The following PXDNL variants were observed in gnomAD, a reference collection of about 807,000 sequenced individuals.
The protein encoded by PXDNL is probable oxidoreductase PXDNL.
A neutral mutation model predicts 150.8 loss-of-function variants in PXDNL; 145 were observed. The observed-to-expected ratio is 0.96, with a 90% CI of 0.84 to 1.10. PXDNL has a LOEUF of 1.10. PXDNL is among the 50% of genes least tolerant of loss of function. The pLI is 0.00. For missense variants in PXDNL, 2,087 were observed against 1,873.9 expected (o/e 1.11, Z -2.10); for synonymous variants, 757 against 725.7 (o/e 1.04, Z -0.69).
chr8:51,688,740 GA>G (rs1239550238), intron 1 of PXDNL, among the ~76,000 whole-genome samples: 4 of 152,208 alleles, frequency 2.6e-5, no homozygotes, highest in African/African-American at 9.6e-5. Context: ...TAGCCAATCT[GA>G]AGACAGAAAA....
In PXDNL at chr8:51,374,584, G is replaced by A. The variant is rs775567270; in HGVS notation, c.3692+13C>T. On this transcript the variant is annotated intron_variant, in intron 18 of 22. Transcript: ENST00000356297. Reference sequence around the variant, plus strand: ...TTTGTGATATTTAATAAGTATAACAGATAATCATTCACCTATCTCCATCTC... The same window carrying A: ...TTTGTGATATTTAATAAGTATAACAAATAATCATTCACCTATCTCCATCTC... The A allele has an allele frequency of 6.2e-7, 1 of 1,613,628 alleles. No individual in the cohort carries two copies. Among genetic ancestry groups the A allele is most frequent in the East Asian group, 2.2e-5 (1 of 44,880 alleles).
chr8:51,575,416 A>G (rs941663983), intron 3 of PXDNL, among the ~76,000 whole-genome samples: 5 of 150,870 alleles, frequency 3.3e-5, no homozygotes, highest in Non-Finnish European at 7.4e-5. Context: ...ACATTAAATA[A>G]AAATAGTCTA....
intron 3 of PXDNL, among the ~76,000 whole-genome samples, chr8:51,571,016 C>T (rs1428133281): frequency 6.6e-6 from 1 of 151,434 alleles, no homozygotes; most frequent in Non-Finnish European, 1.5e-5. Context: ...TGTAATAATT[C>T]ACTAATTTCC....
chr8:51,475,489 T>C (rs1810452094), intron 6 of PXDNL, among the ~76,000 whole-genome samples: 1 of 152,146 alleles, frequency 6.6e-6, no homozygotes, highest in South Asian at 2.1e-4. Flanking sequence ...TATGGCCAGG[T>C]GCAGTAGCTC....
intron 1 of PXDNL, among the ~76,000 whole-genome samples, chr8:51,666,383 A>ATAAG (rs552766281): frequency 6.6e-6 from 1 of 152,134 alleles, no homozygotes; most frequent in South Asian, 2.1e-4. Context: ...GCAGCTATAT[A>ATAAG]TAAGTAAGTA....
intron 1 of PXDNL, among the ~76,000 whole-genome samples, chr8:51,661,040 A>G (rs942965867): frequency 6.6e-6 from 1 of 150,846 alleles, no homozygotes; most frequent in African/African-American, 2.5e-5. Context: ...AGAATCAAGG[A>G]GATTTTTCCA....
chr8:51,689,506 C>T (rs949698513), intron 1 of PXDNL, among the ~76,000 whole-genome samples: 1 of 152,068 alleles, frequency 6.6e-6, no homozygotes, highest in Non-Finnish European at 1.5e-5. Context: ...ATCTCTTCCA[C>T]ATGTGTACCA....
chr8:51,675,569 C>T (rs867794482), intron 1 of PXDNL, among the ~76,000 whole-genome samples: 5 of 151,714 alleles, frequency 3.3e-5, no homozygotes, highest in African/African-American at 7.3e-5. Flanking sequence ...CAGAGGCAGG[C>T]GGATCATAAG....
intron 17 of PXDNL, among the ~76,000 whole-genome samples, chr8:51,378,809 C>G (rs1019228331): frequency 1.3e-5 from 2 of 152,128 alleles, no homozygotes; most frequent in South Asian, 4.1e-4. Context: ...ACTCCTGAAG[C>G]CAGCAAGACT....
chr8:51,518,689 G>A (rs1811595644), intron 4 of PXDNL, among the ~76,000 whole-genome samples: 1 of 152,164 alleles, frequency 6.6e-6, no homozygotes. Context: ...TGACTGACAG[G>A]TTAGATTACA....
At chr8:51,691,652 T>G (rs1366121244) in intron 1 of PXDNL, among the ~76,000 whole-genome samples, 1 of 152,118 alleles carries the variant, frequency 6.6e-6, no homozygotes, top group Non-Finnish European at 1.5e-5. Flanking sequence ...TGAAAAGTCA[T>G]TAAGACAAAG....
intron 5 of PXDNL, among the ~76,000 whole-genome samples, chr8:51,484,631 A>G (rs987281760): frequency 2.6e-5 from 4 of 152,076 alleles, no homozygotes; most frequent in Non-Finnish European, 4.4e-5. Flanking sequence ...AGCCATTTCT[A>G]CATGTCCGGA....
intron 1 of PXDNL, among the ~76,000 whole-genome samples, chr8:51,697,553 C>T (rs1266481718): frequency 6.6e-6 from 1 of 152,148 alleles, no homozygotes; most frequent in African/African-American, 2.4e-5. Context: ...AGAGCTCAAA[C>T]ATCTTGGAGA....
At chr8:51,472,348 T>C (rs776040259) in intron 7 of PXDNL, 44 bp from the exon 8 acceptor site, 5 of 1,446,810 alleles carry the variant, frequency 3.5e-6, no homozygotes, top group Non-Finnish European at 4.8e-6. Context: ...AGATACAAAA[T>C]TATGGCCTTC....
rs188019736 is a variant in PXDNL, at chr8:51,600,491, C to G, written c.237-7793G>C. Among the ~76,000 whole-genome samples the G allele has an allele frequency of 9.8e-3, 1,108 of 112,672 alleles. 56 individuals are homozygous for G. Among genetic ancestry groups the G allele is most frequent in the South Asian group, 0.013 (44 of 3,430 alleles). 73.9% of individuals were successfully genotyped at this position (112,672 alleles called of 152,430 possible). A position where few individuals can be genotyped will look rare whatever the true frequency, so the allele number is the denominator to read the frequency against. ...AAATTATATCTTATATAAATTATAT[C>G]GTTTAGATAATAAATTATATCTTAT... On this transcript the variant is annotated intron_variant, in intron 2 of 22. Coordinates refer to ENST00000356297, the MANE Select transcript of PXDNL (RefSeq NM_144651.5).
chr8:51,735,841 C>T (rs1022002927), intron 1 of PXDNL, among the ~76,000 whole-genome samples: 15 of 152,032 alleles, frequency 9.9e-5, no homozygotes, highest in African/African-American at 2.4e-4. Context: ...CCACCGCGCC[C>T]GGCCTAAAAA....
At chr8:51,352,203 A>C (rs953286171) in intron 19 of PXDNL, among the ~76,000 whole-genome samples, 4 of 152,200 alleles carry the variant, frequency 2.6e-5, no homozygotes, top group Admixed American at 2.6e-4. Flanking sequence ...AAAGCTAAAA[A>C]TAGAACTACC....
At chr8:51,677,306 T>G (rs1231709865) in intron 1 of PXDNL, among the ~76,000 whole-genome samples, 1 of 152,230 alleles carries the variant, frequency 6.6e-6, no homozygotes, top group Non-Finnish European at 1.5e-5. Context: ...TTACATACGT[T>G]TCCTATAATC....
Position 51,449,014 on chromosome 8 carries a change from A to G in PXDNL, c.1354T>C (p.Trp452Arg). The change falls in exon 11 of 23, where the codon TGG becomes CGG. Residue 452 changes from tryptophan (W) to arginine (R), a missense_variant. Transcript: ENST00000356297. ...ADGNPPPVIVWTKTGGQLPVE... is the reference protein window; with the variant it reads ...ADGNPPPVIVRTKTGGQLPVE... The stretch of plus-strand genomic sequence containing the variant: ...GATGTTCTAATACCTGTTTTTGTCC[A>G]GACAATAACAGGAGGTGGGTTGCCG... 1.3e-6 allele frequency: 2 copies of G among 1,532,828 alleles called. No individual in the cohort carries two copies. Among genetic ancestry groups the G allele is most frequent in the African/African-American group, 1.4e-5 (1 of 72,732 alleles). The allele number at this position is 1,532,828 out of a possible 1,614,324, so 95.0% of individuals were successfully genotyped here.
Sources: allele counts gnomAD v4.1 joint callset (sites outside exome capture counted in the v4.1 genomes callset), GRCh38; gene constraint gnomAD v4.1.1; transcripts MANE v1.5; gene names NCBI Gene and HGNC (gene_info 2026-07-23, HGNC 2026-07-21).